Variants in ATG14 observed in about 807,000 individuals in gnomAD.
ATG14 encodes the protein autophagy related 14.
Under a neutral mutation model 60.4 loss-of-function variants are expected in ATG14, and 35 were observed. The observed-to-expected ratio is 0.58, with a 90% CI of 0.44 to 0.77. ATG14 has a LOEUF of 0.77. Among genes scored for constraint, ATG14 ranks in the 30% least tolerant of loss-of-function variants. The pLI, the probability that ATG14 is intolerant of heterozygous loss-of-function variation, is 0.00. For missense variants in ATG14, 647 were observed against 626.3 expected (o/e 1.03, Z -0.35); for synonymous variants, 234 against 228.8 (o/e 1.02, Z -0.21).
chr14:55,380,235 G>A (rs752443938), intron 7 of ATG14, among the ~76,000 whole-genome samples: 5 of 150,218 alleles, frequency 3.3e-5, no homozygotes, highest in South Asian at 2.1e-4. Flanking sequence ...GCGACAGAGC[G>A]AGACTCTGTC....
chr14:55,370,686 G>T (rs898654372), intron 9 of ATG14, among the ~76,000 whole-genome samples: 1 of 151,752 alleles, frequency 6.6e-6, no homozygotes, highest in Non-Finnish European at 1.5e-5. Context: ...CTGTTGCCCA[G>T]GCTGGAGTGC....
chr14:55,379,275 C>A (rs1884983119), intron 7 of ATG14, among the ~76,000 whole-genome samples: 1 of 152,098 alleles, frequency 6.6e-6, no homozygotes, highest in Non-Finnish European at 1.5e-5. Context: ...GTGGTTCATG[C>A]CTGTAATCCC....
rs56001643 is a variant in ATG14, at chr14:55,402,970, A to G, written c.222-5536T>C. Among the ~76,000 whole-genome samples the G allele has an allele frequency of 1.2e-4, 8 of 69,486 alleles. No homozygotes were observed. The East Asian group carries it at 1.7e-3, about 15-fold the overall frequency. 45.6% of individuals were successfully genotyped at this position (69,486 alleles called of 152,430 possible). On this transcript the variant is annotated intron_variant, in intron 1 of 9. Coordinates refer to ENST00000247178, the MANE Select transcript of ATG14 (RefSeq NM_014924.5). The stretch of plus-strand genomic sequence containing the variant: ...ATATATATATATATATATATATATA[A>G]ATAGCTGGGCATAGTGGTGCATGGC...
chr14:55,375,156 T>C (rs1476599463), intron 9 of ATG14, among the ~76,000 whole-genome samples: 2 of 152,208 alleles, frequency 1.3e-5, no homozygotes, highest in Non-Finnish European at 2.9e-5. Flanking sequence ...AAATAATACA[T>C]GTGGAATAAA....
rs1885163563 is a variant in ATG14 at position 55,388,616 on chromosome 14, A to T, written c.409+2295T>A. Among the ~76,000 whole-genome samples the T allele has an allele frequency of 4.6e-5, 7 of 152,352 alleles. No homozygotes were observed. In the South Asian group the frequency reaches 1.4e-3, roughly 32 times the overall value. The stretch of plus-strand genomic sequence containing the variant: ...ATATCATGAAACCTTAAGTCAAAAG[A>T]TTCTAGAGAAATAATTCATCAGTCT... On this transcript the variant is annotated intron_variant, in intron 4 of 9. Transcript: ENST00000247178.
intron 9 of ATG14, 143 bp downstream of exon 9, chr14:55,377,672 CTTTG>C (rs1884945101): frequency 2.1e-6 from 1 of 467,762 alleles, no homozygotes; most frequent in African/African-American, 2.0e-5. Flanking sequence ...ATATAATTAC[CTTTG>C]TTTCTTTCTG....
intron 9 of ATG14, among the ~76,000 whole-genome samples, chr14:55,372,937 C>T (rs892561351): frequency 6.6e-6 from 1 of 152,128 alleles, no homozygotes; most frequent in South Asian, 2.1e-4. Context: ...TGGAAGACTC[C>T]TCAAGGGGCC....
intron 1 of ATG14, among the ~76,000 whole-genome samples, 174 bp downstream of exon 1, chr14:55,411,428 A>T (rs1885569699): frequency 6.6e-6 from 1 of 152,174 alleles, no homozygotes; most frequent in Non-Finnish European, 1.5e-5. Flanking sequence ...TCTGGCCCCT[A>T]CGCTGTCCTC....
Position 55,411,756 on chromosome 14 carries a change from C to G in ATG14, c.67G>C (p.Ala23Pro). 6.2e-7 allele frequency: 1 copy of G among 1,607,598 alleles called. No individual in the cohort carries two copies. Among genetic ancestry groups the G allele is most frequent in the South Asian group, 1.1e-5 (1 of 90,180 alleles). Residue 23 changes from alanine (A) to proline (P), a missense_variant, in exon 1 of 10, where the codon GCC becomes CCC. By Grantham distance (27) the Ala-to-Pro change is conservative (BLOSUM62 -1). Transcript: ENST00000247178. ...TCCACGGAGTCCACCAGGTCCCGGG[C>G]GAGCGGCCGGGGCCCGCAGCCAGGA... ...EAPGCGPRPL[A>P]RDLVDSVDDA...
At chr14:55,395,819 T>A (rs180868842) in intron 3 of ATG14, 121 bp downstream of exon 3, 1 of 574,170 alleles carries the variant, frequency 1.7e-6, no homozygotes, top group Middle Eastern at 5.2e-4. Flanking sequence ...ACGCTACAAG[T>A]GGATTAAGTA....
At chr14:55,396,032 G>A (rs1235184268) in intron 2 of ATG14, 50 bp from the exon 3 acceptor site, 4 of 1,426,072 alleles carry the variant, frequency 2.8e-6, no homozygotes, top group African/African-American at 1.5e-5. Flanking sequence ...ATAAAATTCT[G>A]TGAAGTTCAA....
rs1884760500 is a variant in ATG14, at chr14:55,369,433, T to TG, written c.*185dup. ...GTTCTCTTAATTATCATAAGCATGT[T>TG]GGTCACCATCACAGGCCACTTGGCA... On this transcript the variant is annotated 3_prime_UTR_variant, in exon 10 of 10. Transcript: ENST00000247178. 1 of 493,414 alleles carries TG rather than the reference T, an allele frequency of 2.0e-6. No homozygotes were observed. The highest frequency in any genetic ancestry group is 3.4e-6 in the Non-Finnish European group (1 of 293,696). 30.6% of individuals were successfully genotyped at this position (493,414 alleles called of 1,614,324 possible).
At chr14:55,400,690 G>A (rs1180673973) in intron 1 of ATG14, among the ~76,000 whole-genome samples, 2 of 152,124 alleles carry the variant, frequency 1.3e-5, no homozygotes, top group Non-Finnish European at 2.9e-5. Context: ...ATCACCTGAG[G>A]TCAGGAGTTC....
chr14:55,399,372 C>G (rs1373374301), intron 1 of ATG14, among the ~76,000 whole-genome samples: 1 of 152,150 alleles, frequency 6.6e-6, no homozygotes, highest in Non-Finnish European at 1.5e-5. Context: ...CAGAACATTC[C>G]CATCATTGTG....
At chr14:55,374,139 T>C (rs1225318159) in intron 9 of ATG14, among the ~76,000 whole-genome samples, 2 of 152,242 alleles carry the variant, frequency 1.3e-5, no homozygotes, top group African/African-American at 4.8e-5. Flanking sequence ...TCATCGAGCC[T>C]TCCTATTTTT....
At position 55,369,839 on chromosome 14, in the gene ATG14, C is replaced by CCGCTCTCATCTG. The variant is rs1419349784; in HGVS notation, c.1247_1258dup (p.Ser419_Gly420insAlaAspGluSer). 1 of 1,614,052 alleles carries CCGCTCTCATCTG rather than the reference C, an allele frequency of 6.2e-7. No individual in the cohort carries two copies. Among genetic ancestry groups the CCGCTCTCATCTG allele is most frequent in the African/African-American group, 1.3e-5 (1 of 74,910 alleles). On this transcript the variant is annotated inframe_insertion, in exon 10 of 10. Transcript: ENST00000247178. ...TTCTTCATCGCTGACGCGCTCATCT[C>CCGCTCTCATCTG]CGCTCTCATCTGATTCTCCAGCAAC... is the stretch of plus-strand genomic sequence containing the variant.
Position 55,380,626 on chromosome 14 carries a change from G to T in ATG14, c.942C>A (p.Val314=). 1 of 1,613,154 alleles carries T rather than the reference G, an allele frequency of 6.2e-7. No individual in the cohort carries two copies. The highest frequency in any genetic ancestry group is 1.1e-5 in the South Asian group (1 of 90,806). ...CATCAAGTATATGAGACAGAATGTT[G>T]ACCAGCTGAGTTGCATAGCACAGCG... ...SAALCYATQL[V]NILSHILDVN... is the part of the protein sequence containing the mutation. Residue 314 remains valine (V), a synonymous_variant, in exon 7 of 10, where the codon GTC becomes GTA. Transcript: ENST00000247178.
At chr14:55,389,741 T>G (rs1326678202) in intron 4 of ATG14, among the ~76,000 whole-genome samples, 1 of 152,120 alleles carries the variant, frequency 6.6e-6, no homozygotes, top group Non-Finnish European at 1.5e-5. Context: ...GCTCTTGGAG[T>G]TATTTCTAAA....
At chr14:55,400,468 C>G (rs1032305074) in intron 1 of ATG14, among the ~76,000 whole-genome samples, 4 of 152,184 alleles carry the variant, frequency 2.6e-5, no homozygotes, top group African/African-American at 9.7e-5. Context: ...TGGATGGACA[C>G]CATATAATTT....
Sources: allele counts gnomAD v4.1 joint callset (sites outside exome capture counted in the v4.1 genomes callset), GRCh38; gene constraint gnomAD v4.1.1; transcripts MANE v1.5; gene names NCBI Gene and HGNC (gene_info 2026-07-23, HGNC 2026-07-21).